CTNNB1: variants seen among roughly 807,000 people sequenced by gnomAD.
CTNNB1 encodes catenin beta-1.
A neutral mutation model predicts 82.5 loss-of-function variants in CTNNB1; 6 were observed. The ratio of observed to expected loss-of-function variants is 0.07; its 90% confidence interval spans 0.04 to 0.14. The LOEUF is 0.14. Ranked by LOEUF, CTNNB1 falls within the 10% of genes least tolerant of loss-of-function variation. CTNNB1 has a pLI of 1.00. For missense variants in CTNNB1, 529 were observed against 980.4 expected (o/e 0.54, Z 6.15); for synonymous variants, 312 against 329.7 (o/e 0.95, Z 0.58).
rs138136788 is a variant in CTNNB1, at chr3:41,216,739, A to C, written c.-48-7282A>C. 9.8e-5 allele frequency among the ~76,000 whole-genome samples: 15 copies of C among 152,340 alleles called. No homozygotes were observed. In the East Asian group the frequency reaches 1.7e-3, roughly 18 times the overall value. On this transcript the variant is annotated intron_variant, in intron 1 of 14. Transcript: ENST00000349496. The stretch of plus-strand genomic sequence containing the variant: ...TTATATAGGCTAACTTCTCGGACAG[A>C]TATTTCTAATAATTTATGTATTTGG...
intron 1 of CTNNB1, among the ~76,000 whole-genome samples, chr3:41,210,030 G>A (rs1214639634): frequency 6.6e-6 from 1 of 151,926 alleles, no homozygotes; most frequent in Non-Finnish European, 1.5e-5. Flanking sequence ...TTTTTTAAAC[G>A]TTTTCACTCT....
At chr3:41,217,991 C>T (rs1268087025) in intron 1 of CTNNB1, among the ~76,000 whole-genome samples, 1 of 152,074 alleles carries the variant, frequency 6.6e-6, no homozygotes, top group East Asian at 1.9e-4. Context: ...CACAAATTAT[C>T]TCATGTTTCC....
chr3:41,230,452 T>C (rs549084315), intron 7 of CTNNB1, among the ~76,000 whole-genome samples: 8 of 152,360 alleles, frequency 5.3e-5, no homozygotes, highest in African/African-American at 1.9e-4. Context: ...TTCATTTGTT[T>C]ATTCTGAAAA....
intron 1 of CTNNB1, among the ~76,000 whole-genome samples, chr3:41,208,319 A>G (rs1462774365): frequency 2.0e-5 from 3 of 152,222 alleles, no homozygotes; most frequent in Non-Finnish European, 2.9e-5. Flanking sequence ...ATTTTGATGT[A>G]GAAGATGCTT....
rs1221901302 is a variant in CTNNB1, at chr3:41,239,697, A to T, written c.*355A>T. The T allele has an allele frequency of 7.5e-6, 3 of 400,942 alleles. No homozygotes were observed. Among genetic ancestry groups the T allele is most frequent in the Non-Finnish European group, 9.3e-6 (2 of 216,016 alleles). 24.8% of individuals were successfully genotyped at this position (400,942 alleles called of 1,614,324 possible). ...AACTTGCATTGTGATTGGCCTGTAG[A>T]GTTGCTGAGAGGGCTCGAGGGGTGG... On this transcript the variant is annotated 3_prime_UTR_variant, in exon 15 of 15. Transcript: ENST00000349496.
chr3:41,239,775 G>T lies in CTNNB1; in HGVS notation c.*433G>T. Reference sequence around the variant, plus strand: ...ACTAACCAAGCTGAGTTTCCTATGGGAACAATTGAAGTAAACTTTTTGTTC... The same window carrying T: ...ACTAACCAAGCTGAGTTTCCTATGGTAACAATTGAAGTAAACTTTTTGTTC... On this transcript the variant is annotated 3_prime_UTR_variant, in exon 15 of 15. Transcript: ENST00000349496. The T allele has an allele frequency of 3.3e-6, 1 of 305,464 alleles. No homozygotes were observed. Among genetic ancestry groups the T allele is most frequent in the Non-Finnish European group, 6.2e-6 (1 of 161,488 alleles). 18.9% of individuals were successfully genotyped at this position (305,464 alleles called of 1,614,324 possible).
intron 1 of CTNNB1, among the ~76,000 whole-genome samples, chr3:41,222,527 A>G (rs186923359): frequency 1.3e-5 from 2 of 152,346 alleles, no homozygotes; most frequent in African/African-American, 2.4e-5. Flanking sequence ...AATGTTGGGA[A>G]GTCCCAGTGT....
chr3:41,237,861 A>G, intron 13 of CTNNB1, 155 bp from the exon 14 acceptor site: 1 of 677,094 alleles, frequency 1.5e-6, no homozygotes, highest in Admixed American at 2.3e-5. Flanking sequence ...TGAGGTGTGG[A>G]GTTTTGAAGA....
intron 1 of CTNNB1, among the ~76,000 whole-genome samples, chr3:41,215,559 A>G (rs2077897490): frequency 6.6e-6 from 1 of 152,130 alleles, no homozygotes; most frequent in South Asian, 2.1e-4. Context: ...GCATATATTA[A>G]GCGAGAAGCT....
chr3:41,218,466 T>C (rs373201563), intron 1 of CTNNB1, among the ~76,000 whole-genome samples: 4 of 152,372 alleles, frequency 2.6e-5, no homozygotes, highest in East Asian at 1.9e-4. Context: ...TTTACTGTTA[T>C]GAATGAAATC....
intron 1 of CTNNB1, chr3:41,199,895 T>G: frequency 1.8e-5 from 2 of 112,892 alleles, no homozygotes; most frequent in Non-Finnish European, 3.4e-5. Context: ...TCTGGGGCCC[T>G]GGGGGCATCG....
intron 1 of CTNNB1, among the ~76,000 whole-genome samples, chr3:41,204,867 A>G (rs1264731221): frequency 6.6e-6 from 1 of 152,240 alleles, no homozygotes; most frequent in Non-Finnish European, 1.5e-5. Flanking sequence ...AGCAGATAAC[A>G]TTGTTAAATT....
intron 1 of CTNNB1, 142 bp from the exon 2 acceptor site, chr3:41,223,879 T>G (rs1167196998): frequency 6.4e-6 from 4 of 621,882 alleles, no homozygotes; most frequent in Non-Finnish European, 1.1e-5. Flanking sequence ...GACCATGAGG[T>G]CTGCGTTTCA....
At position 41,205,791 on chromosome 3, in the gene CTNNB1, G is replaced by C. The variant is rs929180654; in HGVS notation, c.-49+6121G>C. Among the ~76,000 whole-genome samples the C allele has an allele frequency of 5.3e-5, 8 of 152,136 alleles. No individual in the cohort carries two copies. In the East Asian group the frequency reaches 1.3e-3, roughly 26 times the overall value. The stretch of plus-strand genomic sequence containing the variant: ...AGCATCATCTGAAAATAATGCTGTA[G>C]TCTGCAATTATTTTTATTACGATAC... On this transcript the variant is annotated intron_variant, in intron 1 of 14. Transcript: ENST00000349496.
rs1393455234 is a variant in CTNNB1 at position 41,239,860 on chromosome 3, G to GAAGAATGCAC, written c.*526_*535dup. On this transcript the variant is annotated 3_prime_UTR_variant, in exon 15 of 15. Transcript: ENST00000349496. ...GGATTTTGGGAGTGACTCAAGAAGT[G>GAAGAATGCAC]AAGAATGCACAAGAATGGATCACAA... The GAAGAATGCAC allele has an allele frequency of 4.1e-6, 1 of 241,588 alleles. No homozygotes were observed. Among genetic ancestry groups the GAAGAATGCAC allele is most frequent in the Non-Finnish European group, 8.1e-6 (1 of 123,084 alleles). 15.0% of individuals were successfully genotyped at this position (241,588 alleles called of 1,614,324 possible).
intron 2 of CTNNB1, 136 bp downstream of exon 2, chr3:41,224,217 C>T (rs1284650831): frequency 3.7e-6 from 4 of 1,088,784 alleles, no homozygotes; most frequent in Admixed American, 3.4e-5. Context: ...TTTCTGCTCA[C>T]TCCTCCTAAT....
At chr3:41,207,919 T>C (rs2077687254) in intron 1 of CTNNB1, among the ~76,000 whole-genome samples, 1 of 152,220 alleles carries the variant, frequency 6.6e-6, no homozygotes, top group African/African-American at 2.4e-5. Flanking sequence ...AAATGTCTGC[T>C]TTTGTTCCTT....
In CTNNB1 at chr3:41,240,330, G is replaced by A. The variant is rs1336378535; in HGVS notation, c.*988G>A. The A allele has an allele frequency of 5.2e-6, 1 of 190,692 alleles. No individual in the cohort carries two copies. The highest frequency in any genetic ancestry group is 1.1e-5 in the Non-Finnish European group (1 of 90,612). The allele number at this position is 190,692 out of a possible 1,614,324, so 11.8% of individuals were successfully genotyped here. ...AGGTGTTATTTGGAACCTTGTTTTG[G>A]ACAGTTTACCAGTTGCCTTTTATCC... On this transcript the variant is annotated 3_prime_UTR_variant, in exon 15 of 15. Transcript: ENST00000349496.
chr3:41,239,102 T>C (rs1455551654), intron 14 of CTNNB1, 32 bp from the exon 15 acceptor site: 3 of 1,574,786 alleles, frequency 1.9e-6, no homozygotes, highest in African/African-American at 2.7e-5. Flanking sequence ...CCTTCCTTCT[T>C]GCCTATTTTG....
Sources: gnomAD v4.1 joint callset for allele counts (sites outside exome capture counted in the v4.1 genomes callset) on GRCh38, gnomAD v4.1.1 for gene constraint, MANE v1.5 for transcripts, NCBI Gene and HGNC (gene_info 2026-07-23, HGNC 2026-07-21) for gene names.